Variants in ADGRD2 observed in about 807,000 individuals in gnomAD.
The protein encoded by ADGRD2 is adhesion G protein-coupled receptor D2.
In ADGRD2, 71 loss-of-function variants were observed where a neutral mutation model predicts 44.4. That is an observed-to-expected ratio of 1.60 (90% CI 1.32 to 1.95). The LOEUF is 1.95. Among genes scored for constraint, ADGRD2 ranks in the 30% most tolerant of loss-of-function variants. The pLI, the probability that ADGRD2 is intolerant of heterozygous loss-of-function variation, is 0.00. For missense variants in ADGRD2, 1,039 were observed against 512.4 expected (o/e 2.03, Z -9.92); for synonymous variants, 481 against 224.8 (o/e 2.14, Z -10.19).
At chr9:124,477,427 A>G (rs1016649491) in intron 21 of ADGRD2, among the ~76,000 whole-genome samples, 6 of 152,186 alleles carry the variant, frequency 3.9e-5, no homozygotes, top group African/African-American at 1.2e-4. Context: ...GGCCCCTCCC[A>G]GGGGCAGGTT....
Position 124,466,253 on chromosome 9 carries a change from T to A in ADGRD2, c.1871-5T>A, listed in dbSNP as rs1373870364. The stretch of plus-strand genomic sequence containing the variant: ...CCCTCACCCCCTTGTCCACCTTATC[T>A]CAAGAGCCCCCTGTTCCCTCCCCAT... On this transcript the variant is annotated splice_polypyrimidine_tract_variant and splice_region_variant and intron_variant, in intron 10 of 21. Transcript: ENST00000334810. 2 of 623,168 alleles carry A rather than the reference T, an allele frequency of 3.2e-6. No homozygotes were observed. Among genetic ancestry groups the A allele is most frequent in the South Asian group, 3.8e-5 (2 of 53,306 alleles). 38.6% of individuals were successfully genotyped at this position (623,168 alleles called of 1,614,324 possible).
rs33991643 is a variant in ADGRD2, at chr9:124,460,388, A to ATATATATT, written c.1870+1668_1870+1669insATATATTT. The stretch of plus-strand genomic sequence containing the variant: ...CAGCTAATTTTGTATATATATATAT[A>ATATATATT]TTTTTTTTTAGTAGAGATGGGGTTT... On this transcript the variant is annotated intron_variant, in intron 10 of 21. Transcript: ENST00000334810. 1.2e-3 allele frequency among the ~76,000 whole-genome samples: 173 copies of ATATATATT among 145,220 alleles called. 1 individual carries two copies. The highest frequency in any genetic ancestry group is 4.3e-3 in the African/African-American group (168 of 39,144).
chr9:124,476,439 G>A (rs907385480), intron 20 of ADGRD2, 24 bp downstream of exon 23: 30 of 698,394 alleles, frequency 4.3e-5, no homozygotes, highest in South Asian at 7.4e-5. Flanking sequence ...AGGGTGGGCC[G>A]CACAGGGCTC....
chr9:124,472,467 G>T (rs111859432), intron 17 of ADGRD2, among the ~76,000 whole-genome samples: 7 of 52,286 alleles, frequency 1.3e-4, no homozygotes, highest in Admixed American at 7.0e-4. Flanking sequence ...TTTTTTGTTT[G>T]TTTTTTGTTT....
rs542913389 is a variant in ADGRD2, at chr9:124,455,242, G to A, written c.1393+115G>A. The A allele has an allele frequency of 2.1e-4, 121 of 585,310 alleles. No homozygotes were observed. In the East Asian group the frequency reaches 2.3e-3, roughly 11 times the overall value. 36.3% of individuals were successfully genotyped at this position (585,310 alleles called of 1,614,324 possible). A position where few individuals can be genotyped will look rare whatever the true frequency, so the allele number is the denominator to read the frequency against. ...ATCTAGCTATGGGCTCCATCTCTGCGTCTATCCTGAAAAGCTTCTCTTTTG... is the reference window on the plus strand; with the variant it reads ...ATCTAGCTATGGGCTCCATCTCTGCATCTATCCTGAAAAGCTTCTCTTTTG... On this transcript the variant is annotated intron_variant, in intron 6 of 21. Transcript: ENST00000334810.
intron 10 of ADGRD2, among the ~76,000 whole-genome samples, chr9:124,460,374 G>GTATATA (rs3050260): frequency 0.039 from 3,155 of 80,286 alleles, 72 homozygotes; most frequent in East Asian, 0.12. Flanking sequence ...AGCTAATTTT[G>GTATATA]TATATATATA....
exon 10 of ADGRD2, chr9:124,458,704 C>T (rs1447241846): frequency 1.4e-6 from 1 of 718,568 alleles, no homozygotes; most frequent in Non-Finnish European, 2.6e-6. Flanking sequence ...GACCTTTCAT[C>T]TCCAGCACCG....
rs1564139115 is a variant in ADGRD2 at position 124,458,225 on chromosome 9, C to T, written c.1755C>T (p.Asn585=). 7 of 718,494 alleles carry T rather than the reference C, an allele frequency of 9.7e-6. No homozygotes were observed. The South Asian group carries it at 1.0e-4, about 11-fold the overall frequency. The allele number at this position is 718,494 out of a possible 1,614,324, so 44.5% of individuals were successfully genotyped here. ...CCCCTGCCAGCTCAGAGGAGGCAAACAGGGTGCAGAGGTGAGTAGGCGCCA... is the reference window on the plus strand; with the variant it reads ...CCCCTGCCAGCTCAGAGGAGGCAAATAGGGTGCAGAGGTGAGTAGGCGCCA... Residue 585 remains asparagine, a synonymous_variant, in exon 9 of 22, where the codon AAC becomes AAT. Transcript: ENST00000334810.
At chr9:124,453,352 G>T (rs1352762617) in exon 3 of ADGRD2, 11 of 522,622 alleles carry the variant, frequency 2.1e-5, no homozygotes, top group Non-Finnish European at 3.3e-5. Context: ...GGAGCAGCGG[G>T]GCGGGCGCTG....
chr9:124,475,189 CT>C (rs1319581727), intron 17 of ADGRD2, among the ~76,000 whole-genome samples: 13 of 152,250 alleles, frequency 8.5e-5, no homozygotes, highest in African/African-American at 2.7e-4. Flanking sequence ...GAGTCAGAGG[CT>C]GCCTGGTGAG....
At chr9:124,453,036 T>A in exon 3 of ADGRD2, 1 of 660,100 alleles carries the variant, frequency 1.5e-6, no homozygotes. Context: ...TCCCTGCAGG[T>A]GCGCGCACCA....
rs1051983981 is a variant in ADGRD2, at chr9:124,456,753, C to T, written c.1505+20C>T. 7.1e-5 allele frequency: 50 copies of T among 705,052 alleles called. No homozygotes were observed. In the Admixed American group the frequency reaches 9.6e-4, roughly 14 times the overall value. The allele number at this position is 705,052 out of a possible 1,614,324, so 43.7% of individuals were successfully genotyped here. A position where few individuals can be genotyped will look rare whatever the true frequency, so the allele number is the denominator to read the frequency against. ...ATGCTGGTGAGCCTGCACCCACCTGCCCACACGGCTGGACTCAGACCTCCC... is the reference window on the plus strand; with the variant it reads ...ATGCTGGTGAGCCTGCACCCACCTGTCCACACGGCTGGACTCAGACCTCCC... On this transcript the variant is annotated intron_variant, in intron 7 of 21. Transcript: ENST00000334810.
exon 2 of ADGRD2, chr9:124,452,573 G>A (rs1466641427): frequency 1.4e-6 from 1 of 718,446 alleles, no homozygotes; most frequent in Non-Finnish European, 2.6e-6. Flanking sequence ...TCTGGACAGC[G>A]ACTGAGCTGG....
At chr9:124,475,213 G>C (rs1832021297) in intron 17 of ADGRD2, among the ~76,000 whole-genome samples, 1 of 152,242 alleles carries the variant, frequency 6.6e-6, no homozygotes, top group Non-Finnish European at 1.5e-5. Context: ...GAAGCTGAAG[G>C]CTGGGGTTGC....
intron 8 of ADGRD2, 68 bp downstream of exon 11, chr9:124,457,674 G>A (rs1436126783): frequency 2.4e-5 from 13 of 545,978 alleles, no homozygotes; most frequent in East Asian, 8.6e-5. Flanking sequence ...TCTAACTGTC[G>A]CTAGCTGTGC....
chr9:124,455,147 G>A lies in ADGRD2; in HGVS notation c.1393+20G>A, dbSNP rs1831591298. The A allele has an allele frequency of 1.5e-6, 1 of 678,682 alleles. No homozygotes were observed. 42.0% of individuals were successfully genotyped at this position (678,682 alleles called of 1,614,324 possible). A position where few individuals can be genotyped will look rare whatever the true frequency, so the allele number is the denominator to read the frequency against. ...CGTGAAGTGAGGCTGGCAGGGCTGG[G>A]TGGGGCAGGGGCCTGGGCTATGGTT... On this transcript the variant is annotated intron_variant, in intron 6 of 21. Transcript: ENST00000334810.
Position 124,454,211 on chromosome 9 carries a change from G to A in ADGRD2, c.1022+114G>A. On this transcript the variant is annotated intron_variant, in intron 4 of 21. Transcript: ENST00000334810. This position sits in a 1 kb window ranked among gnomAD's most constrained non-coding sequence, Gnocchi z 4.5. The stretch of plus-strand genomic sequence containing the variant: ...TCTGGGAATTCAGAATAAACTCAGA[G>A]CTTCAAGGTCTCCATGGAGTCTAGG... 2 of 600,518 alleles carry A rather than the reference G, an allele frequency of 3.3e-6. No individual in the cohort carries two copies. Among genetic ancestry groups the A allele is most frequent in the Non-Finnish European group, 6.0e-6 (2 of 334,304 alleles). 37.2% of individuals were successfully genotyped at this position (600,518 alleles called of 1,614,324 possible). A position where few individuals can be genotyped will look rare whatever the true frequency, so the allele number is the denominator to read the frequency against.
intron 17 of ADGRD2, among the ~76,000 whole-genome samples, chr9:124,474,013 C>T (rs190543099): frequency 1.3e-5 from 2 of 152,086 alleles, no homozygotes; most frequent in African/African-American, 4.8e-5. Context: ...TGGTGGCTCA[C>T]GCCTGTAATC....
At chr9:124,450,974 C>A (rs1831455215), upstream of ADGRD2, among the ~76,000 whole-genome samples, 1 of 152,140 alleles carries the variant, frequency 6.6e-6, no homozygotes, top group Non-Finnish European at 1.5e-5. Context: ...CGGGAGTGAC[C>A]CCAGATCACC....
Sources: allele counts gnomAD v4.1 joint callset (sites outside exome capture counted in the v4.1 genomes callset), GRCh38; gene constraint gnomAD v4.1.1; non-coding constraint Gnocchi (gnomAD v3.1); transcripts MANE v1.5; gene names NCBI Gene and HGNC (gene_info 2026-07-23, HGNC 2026-07-21).